VGLL2: variants seen among roughly 807,000 people sequenced by gnomAD.
The protein encoded by VGLL2 is transcription cofactor vestigial-like protein 2.
VGLL2 carries 18 observed loss-of-function variants against 27.0 expected under a neutral mutation model. The observed-to-expected ratio is 0.67, with a 90% CI of 0.46 to 0.99. The LOEUF (loss-of-function observed/expected upper bound fraction) is 0.99. Among genes scored for constraint, VGLL2 ranks in the 50% least tolerant of loss-of-function variants. The pLI, the probability that VGLL2 is intolerant of heterozygous loss-of-function variation, is 0.00. For missense variants in VGLL2, 491 were observed against 452.3 expected (o/e 1.09, Z -0.78); for synonymous variants, 220 against 201.1 (o/e 1.09, Z -0.80).
chr6:117,272,879 C>T lies in VGLL2; in HGVS notation c.*385C>T, dbSNP rs923587608. 8.5e-6 allele frequency: 2 copies of T among 236,246 alleles called. No individual in the cohort carries two copies. The highest frequency in any genetic ancestry group is 1.6e-5 in the Non-Finnish European group (2 of 122,132). The allele number at this position is 236,246 out of a possible 1,614,324, so 14.6% of individuals were successfully genotyped here. On this transcript the variant is annotated 3_prime_UTR_variant, in exon 4 of 4. Transcript: ENST00000326274. ...AGGTAGTGTGATTATAGCACTACTACTGTCAGATTTTAAATTGTATGTGTA... is the reference window on the plus strand; with the variant it reads ...AGGTAGTGTGATTATAGCACTACTATTGTCAGATTTTAAATTGTATGTGTA...
chr6:117,270,571 C>T lies in VGLL2; in HGVS notation c.420C>T (p.Ser140=), dbSNP rs1279722396. 6.3e-7 allele frequency: 1 copy of T among 1,599,030 alleles called. No homozygotes were observed. Among genetic ancestry groups the T allele is most frequent in the Non-Finnish European group, 8.5e-7 (1 of 1,174,340 alleles). The part of the protein sequence containing the change: ...RDCSFPMSQR[S]FPASFWNSAY... ...GCTCCTTCCCGATGAGCCAGCGCAGCTTCCCCGCCTCCTTCTGGAATAGCG... is the reference window on the plus strand; with the variant it reads ...GCTCCTTCCCGATGAGCCAGCGCAGTTTCCCCGCCTCCTTCTGGAATAGCG... Residue 140 remains serine, a synonymous_variant, in exon 3 of 4, where the codon AGC becomes AGT. Coordinates refer to ENST00000326274, the MANE Select transcript of VGLL2 (RefSeq NM_182645.3).
intron 1 of VGLL2, among the ~76,000 whole-genome samples, chr6:117,266,551 GA>G (rs898644769): frequency 3.3e-5 from 5 of 152,184 alleles, no homozygotes; most frequent in Admixed American, 3.3e-4. Context: ...AACACTTTAA[GA>G]AGACCACTCA....
In VGLL2 at chr6:117,270,835, C is replaced by G; in HGVS notation, c.684C>G (p.His228Gln). 1 of 1,428,528 alleles carries G rather than the reference C, an allele frequency of 7.0e-7. No homozygotes were observed. Among genetic ancestry groups the G allele is most frequent in the Non-Finnish European group, 9.1e-7 (1 of 1,092,944 alleles). The allele number at this position is 1,428,528 out of a possible 1,614,324, so 88.5% of individuals were successfully genotyped here. A position where few individuals can be genotyped will look rare whatever the true frequency, so the allele number is the denominator to read the frequency against. The part of the protein sequence containing the change: ...AAPYPRPAAV[H>Q]EVYAPHFDPR... ...CCTACCCGCGCCCCGCCGCCGTGCA[C>G]GAAGTCTACGCGCCGCACTTCGACC... is the stretch of plus-strand genomic sequence containing the variant. The change falls in exon 3 of 4, where the codon CAC (histidine) becomes CAG (glutamine). Residue 228 changes from histidine (H) to glutamine (Q), a missense_variant. By Grantham distance (24) the His-to-Gln change is conservative. Transcript: ENST00000326274.
Position 117,268,420 on chromosome 6 carries a change from T to C in VGLL2, c.320T>C (p.Leu107Pro). ...SVVDEHFSRA[L>P]SQPSSYSPSC... ...GTGGATGAACATTTCAGCAGGGCCCTGAGCCAACCCAGCAGCTACTCTCCT... is the reference window on the plus strand; with the variant it reads ...GTGGATGAACATTTCAGCAGGGCCCCGAGCCAACCCAGCAGCTACTCTCCT... The change falls in exon 2 of 4, where the codon CTG becomes CCG. Residue 107 changes from leucine (L) to proline (P), a missense_variant. By Grantham distance (98) the Leu-to-Pro change is moderately conservative. Coordinates refer to ENST00000326274, the MANE Select transcript of VGLL2 (RefSeq NM_182645.3). The C allele has an allele frequency of 1.2e-6, 2 of 1,614,094 alleles. No homozygotes were observed. Among genetic ancestry groups the C allele is most frequent in the Non-Finnish European group, 1.7e-6 (2 of 1,180,004 alleles).
chr6:117,268,073 T>C, intron 1 of VGLL2, 109 bp from the exon 2 acceptor site: 1 of 1,174,244 alleles, frequency 8.5e-7, no homozygotes, highest in Non-Finnish European at 1.2e-6. Context: ...TAAGCCCATA[T>C]GCCAGTTTCC....
chr6:117,271,142 A>C, intron 3 of VGLL2, 78 bp downstream of exon 3: 1 of 1,145,316 alleles, frequency 8.7e-7, no homozygotes, highest in Non-Finnish European at 1.1e-6. Flanking sequence ...TAGACCCCTT[A>C]ATCCTCCTTG....
Position 117,265,576 on chromosome 6 carries a change from G to A in VGLL2, c.-188G>A. The A allele has an allele frequency of 3.4e-6, 2 of 594,556 alleles. No homozygotes were observed. The highest frequency in any genetic ancestry group is 6.1e-6 in the Non-Finnish European group (2 of 329,462). The allele number at this position is 594,556 out of a possible 1,614,324, so 36.8% of individuals were successfully genotyped here. Reference sequence around the variant, plus strand: ...CTCAGGCGCTTCTGCCCTGGAGCGCGGTCGGGAGTAAAATCGCAGGAGTGG... The same window carrying A: ...CTCAGGCGCTTCTGCCCTGGAGCGCAGTCGGGAGTAAAATCGCAGGAGTGG... On this transcript the variant is annotated 5_prime_UTR_variant, in exon 1 of 4. Coordinates refer to ENST00000326274, the MANE Select transcript of VGLL2 (RefSeq NM_182645.3).
intron 1 of VGLL2, 59 bp downstream of exon 1, chr6:117,265,903 T>G: frequency 6.7e-7 from 1 of 1,487,608 alleles, no homozygotes; most frequent in Non-Finnish European, 9.4e-7. Context: ...TGCGGCGGCA[T>G]GGCCTGTACG....
chr6:117,273,212 A>G lies in VGLL2; in HGVS notation c.*718A>G, dbSNP rs959469262. The G allele has an allele frequency of 3.9e-5, 6 of 152,584 alleles. No individual in the cohort carries two copies. The highest frequency in any genetic ancestry group is 1.4e-4 in the African/African-American group (6 of 41,420). 9.5% of individuals were successfully genotyped at this position (152,584 alleles called of 1,614,324 possible). On this transcript the variant is annotated 3_prime_UTR_variant, in exon 4 of 4. Coordinates refer to ENST00000326274, the MANE Select transcript of VGLL2 (RefSeq NM_182645.3). The stretch of plus-strand genomic sequence containing the variant: ...TATTTGGCAGAACAATTGCAATTGC[A>G]CTGGGTATATTATATATATATATGT...
At chr6:117,271,330 A>AATAATAATAATAATAATAATAATG (rs1554217559) in intron 3 of VGLL2, among the ~76,000 whole-genome samples, 1 of 139,752 alleles carries the variant, frequency 7.2e-6, no homozygotes, top group African/African-American at 2.6e-5. Flanking sequence ...TAATGATAAT[A>AATAATAATAATAATAATAATAATG]ATAATAATAA....
Position 117,271,043 on chromosome 6 carries a change from C to A in VGLL2, c.892C>A (p.Leu298Met). Residue 298 changes from leucine to methionine, a missense_variant, in exon 3 of 4, where the codon CTG (leucine) becomes ATG (methionine). Transcript: ENST00000326274. ...ASPSGDVAQG[L>M]GLSVDSARRY... ...CCCCTCGGGGGACGTGGCCCAGGGT[C>A]TGGGCCTCAGCGTGGACTCAGGTAA... is the stretch of plus-strand genomic sequence containing the variant. The A allele has an allele frequency of 8.1e-7, 1 of 1,229,756 alleles. No individual in the cohort carries two copies. Among genetic ancestry groups the A allele is most frequent in the South Asian group, 4.1e-5 (1 of 24,538 alleles). 76.2% of individuals were successfully genotyped at this position (1,229,756 alleles called of 1,614,324 possible).
downstream of VGLL2, chr6:117,273,602 CTT>C (rs1384415867): frequency 4.6e-5 from 7 of 151,936 alleles, no homozygotes; most frequent in African/African-American, 1.5e-4. Flanking sequence ...AAATAAATAA[CTT>C]AGTTTTTTTC....
In VGLL2 at chr6:117,270,926, G is replaced by A; in HGVS notation, c.775G>A (p.Ala259Thr). The change falls in exon 3 of 4, where the codon GCG becomes ACG. Residue 259 changes from alanine (A) to threonine (T), a missense_variant. Coordinates refer to ENST00000326274, the MANE Select transcript of VGLL2 (RefSeq NM_182645.3). Reference sequence around the variant, plus strand: ...CCCGGCCCGCCTCGCAACCGCCCCGGCGCCCGCGCCCGGCAGTCCTCCCTG... The same window carrying A: ...CCCGGCCCGCCTCGCAACCGCCCCGACGCCCGCGCCCGGCAGTCCTCCCTG... ...GRPARLATAP[A>T]PAPGSPPCEL... The A allele has an allele frequency of 1.6e-6, 2 of 1,242,762 alleles. No individual in the cohort carries two copies. The highest frequency in any genetic ancestry group is 3.4e-5 in the South Asian group (1 of 29,254). The allele number at this position is 1,242,762 out of a possible 1,614,324, so 77.0% of individuals were successfully genotyped here.
intron 3 of VGLL2, among the ~76,000 whole-genome samples, chr6:117,272,119 G>C (rs974328816): frequency 8.2e-6 from 1 of 122,346 alleles, no homozygotes; most frequent in Non-Finnish European, 1.6e-5. Flanking sequence ...GTGGTGTTTT[G>C]TCCTTCTTTC....
chr6:117,273,567 C>T (rs899744390), downstream of VGLL2: 3 of 151,884 alleles, frequency 2.0e-5, no homozygotes, highest in Admixed American at 1.3e-4. Context: ...TTACTATGAG[C>T]TCACTGTGTT....
At chr6:117,267,555 T>C (rs1451108778) in intron 1 of VGLL2, among the ~76,000 whole-genome samples, 2 of 152,234 alleles carry the variant, frequency 1.3e-5, no homozygotes, top group Non-Finnish European at 2.9e-5. Context: ...TCCCCAGTCA[T>C]GTTACCCCAG....
Position 117,268,424 on chromosome 6 carries a change from C to T in VGLL2, c.324C>T (p.Ser108=). 2 of 1,614,116 alleles carry T rather than the reference C, an allele frequency of 1.2e-6. No individual in the cohort carries two copies. Among genetic ancestry groups the T allele is most frequent in the South Asian group, 1.1e-5 (1 of 91,070 alleles). ...VVDEHFSRAL[S]QPSSYSPSCT... ...ATGAACATTTCAGCAGGGCCCTGAG[C>T]CAACCCAGCAGCTACTCTCCTAGCT... Residue 108 remains serine (S), a synonymous_variant, in exon 2 of 4, where the codon AGC becomes AGT. Transcript: ENST00000326274.
intron 3 of VGLL2, among the ~76,000 whole-genome samples, chr6:117,271,580 A>T (rs1773202737): frequency 6.6e-6 from 1 of 152,296 alleles, no homozygotes; most frequent in South Asian, 2.1e-4. Context: ...TATCGATTAT[A>T]AAAAGTTTCA....
intron 3 of VGLL2, among the ~76,000 whole-genome samples, chr6:117,271,321 A>AATG (rs68159081): frequency 8.5e-6 from 1 of 118,320 alleles, no homozygotes; most frequent in Non-Finnish European, 1.9e-5. Flanking sequence ...TAATAATAAT[A>AATG]ATGATAATAA....
Sources: allele counts gnomAD v4.1 joint callset (sites outside exome capture counted in the v4.1 genomes callset), GRCh38; gene constraint gnomAD v4.1.1; transcripts MANE v1.5; gene names NCBI Gene and HGNC (gene_info 2026-07-23, HGNC 2026-07-21).